OSBPL1A: variants seen among roughly 807,000 people sequenced by gnomAD.
OSBPL1A encodes oxysterol binding protein like 1A.
In OSBPL1A, 80 loss-of-function variants were observed where a neutral mutation model predicts 137.1. That is an observed-to-expected ratio of 0.58 (90% CI 0.49 to 0.70). The LOEUF is 0.70. OSBPL1A is among the 30% of genes least tolerant of loss of function. OSBPL1A has a pLI of 0.00. For synonymous variants in OSBPL1A, 365 were observed against 389.7 expected (o/e 0.94, Z 0.75); for missense variants, 970 against 1,129.4 (o/e 0.86, Z 2.02).
At chr18:24,376,745 C>T (rs886592059) in intron 2 of OSBPL1A, among the ~76,000 whole-genome samples, 1 of 152,342 alleles carries the variant, frequency 6.6e-6, no homozygotes, top group African/African-American at 2.4e-5. Context: ...AGCTAAGGCC[C>T]GGTGAGAGAT....
intron 15 of OSBPL1A, among the ~76,000 whole-genome samples, chr18:24,258,272 T>C (rs1025524861): frequency 3.3e-5 from 5 of 152,040 alleles, no homozygotes; most frequent in Admixed American, 2.6e-4. Flanking sequence ...CACAATGGAA[T>C]ACCATTCAGC....
chr18:24,271,665 G>C lies in OSBPL1A; in HGVS notation c.1281+9177C>G, dbSNP rs2089721046. 3 of 985,812 alleles carry C rather than the reference G, an allele frequency of 3.0e-6. No individual in the cohort carries two copies. Among genetic ancestry groups the C allele is most frequent in the Non-Finnish European group, 3.6e-6 (3 of 830,254 alleles). 61.1% of individuals were successfully genotyped at this position (985,812 alleles called of 1,614,324 possible). A position where few individuals can be genotyped will look rare whatever the true frequency, so the allele number is the denominator to read the frequency against. ...CCCCGGCTGGCGCGCTCCACCCTGC[G>C]CTCCTCGCAAGCTCCAGCGCGAATG... On this transcript the variant is annotated intron_variant, in intron 15 of 27. Transcript: ENST00000319481. This position sits in a 1 kb window ranked among gnomAD's most constrained non-coding sequence, Gnocchi z 4.0.
In OSBPL1A at chr18:24,323,539, C is replaced by CTT. The variant is rs763234169; in HGVS notation, c.626-4732_626-4731dup. Among the ~76,000 whole-genome samples the CTT allele has an allele frequency of 9.4e-4, 33 of 35,152 alleles. 4 individuals are homozygous for CTT. The highest frequency in any genetic ancestry group is 1.5e-3 in the African/African-American group (4 of 2,590). The allele number at this position is 35,152 out of a possible 152,430, so 23.1% of individuals were successfully genotyped here. A position where few individuals can be genotyped will look rare whatever the true frequency, so the allele number is the denominator to read the frequency against. On this transcript the variant is annotated intron_variant, in intron 7 of 27. Coordinates refer to ENST00000319481, the MANE Select transcript of OSBPL1A (RefSeq NM_080597.4). The stretch of plus-strand genomic sequence containing the variant: ...ACACCCAGCCAGGGTGAGGCTTTTT[C>CTT]TTTTTTTTTTTTTTTTTTTTTTATT...
intron 22 of OSBPL1A, 111 bp downstream of exon 22, chr18:24,172,265 C>G: frequency 1.3e-6 from 1 of 785,544 alleles, no homozygotes; most frequent in Non-Finnish European, 2.1e-6. Flanking sequence ...AAATTTTCAT[C>G]AGCCTGTTCT....
chr18:24,220,428 C>T (rs1197039969), intron 17 of OSBPL1A, among the ~76,000 whole-genome samples: 1 of 152,180 alleles, frequency 6.6e-6, no homozygotes, highest in Non-Finnish European at 1.5e-5. Context: ...TATTGCAACC[C>T]TCTACTTTCC....
chr18:24,341,871 T>C (rs774566584), intron 4 of OSBPL1A, among the ~76,000 whole-genome samples: 28 of 152,210 alleles, frequency 1.8e-4, no homozygotes, highest in Non-Finnish European at 3.8e-4. Flanking sequence ...AATTGATACA[T>C]AGCCAACTTC....
At chr18:24,180,718 A>C (rs889074451) in intron 19 of OSBPL1A, among the ~76,000 whole-genome samples, 6 of 152,196 alleles carry the variant, frequency 3.9e-5, no homozygotes. Context: ...TACTAAAAAA[A>C]TACAAAAAAT....
chr18:24,227,054 G>A (rs551432674), intron 16 of OSBPL1A, among the ~76,000 whole-genome samples: 26 of 151,992 alleles, frequency 1.7e-4, no homozygotes, highest in Non-Finnish European at 3.5e-4. Context: ...ACCATGCTCA[G>A]CTAATTTTTT....
intron 1 of OSBPL1A, among the ~76,000 whole-genome samples, chr18:24,385,689 A>G (rs190750235): frequency 8.5e-5 from 13 of 152,292 alleles, no homozygotes; most frequent in Admixed American, 7.2e-4. Context: ...CAAATAGAAG[A>G]AGGCCACTGA....
Position 24,314,315 on chromosome 18 carries a change from A to G in OSBPL1A, c.903T>C (p.Ile301=). 6.2e-7 allele frequency: 1 copy of G among 1,611,456 alleles called. No individual in the cohort carries two copies. The highest frequency in any genetic ancestry group is 8.5e-7 in the Non-Finnish European group (1 of 1,179,054). The change falls in exon 12 of 28, where the codon ATT becomes ATC. Residue 301 remains isoleucine (I), a synonymous_variant. Transcript: ENST00000319481. The part of the protein sequence containing the change: ...VKSTDSCLFF[I]KCFDDTIHGF... ...CATGAATGGTGTCATCAAAGCATTT[A>G]ATAAAGAAGAGGCAGCTATCAGTGG...
chr18:24,358,298 GCTCA>G, intron 4 of OSBPL1A: 1 of 597,856 alleles, frequency 1.7e-6, no homozygotes. Flanking sequence ...AGGCCTGGCT[GCTCA>G]TCCCCAACAG....
chr18:24,279,517 T>A (rs1211503826), intron 15 of OSBPL1A, among the ~76,000 whole-genome samples: 1 of 152,176 alleles, frequency 6.6e-6, no homozygotes, highest in African/African-American at 2.4e-5. Flanking sequence ...GAGGAAAATA[T>A]ATAAAAGCAA....
At chr18:24,245,166 G>A (rs544001303) in intron 15 of OSBPL1A, among the ~76,000 whole-genome samples, 2 of 152,004 alleles carry the variant, frequency 1.3e-5, no homozygotes, top group Admixed American at 6.6e-5. Context: ...ATCATGGCTC[G>A]CTGCAGCCTC....
chr18:24,272,123 G>A (rs2089738706), intron 15 of OSBPL1A: 4 of 983,740 alleles, frequency 4.1e-6, no homozygotes, highest in African/African-American at 3.5e-5. Flanking sequence ...GGCCCTCCGA[G>A]GAGAGGTCGG....
At chr18:24,262,624 G>C (rs9961375) in intron 15 of OSBPL1A, among the ~76,000 whole-genome samples, 7,962 of 152,206 alleles carry the variant, frequency 0.052, 282 homozygotes, top group African/African-American at 0.09. Flanking sequence ...TATGTTAAGT[G>C]TATGATTCAG....
intron 7 of OSBPL1A, among the ~76,000 whole-genome samples, chr18:24,332,385 C>CA (rs71163675): frequency 0.11 from 5,701 of 52,846 alleles, 1,331 homozygotes; most frequent in East Asian, 0.33. Flanking sequence ...GACTCTGTCT[C>CA]AAAAAAAAAA....
intron 26 of OSBPL1A, among the ~76,000 whole-genome samples, chr18:24,165,964 G>C (rs543582508): frequency 6.6e-6 from 1 of 152,266 alleles, no homozygotes; most frequent in East Asian, 1.9e-4. Flanking sequence ...GGGTGTGGTG[G>C]CACGTGCCTG....
chr18:24,172,290 AAAAC>A (rs1441426752), intron 22 of OSBPL1A, 82 bp downstream of exon 22: 22 of 1,017,186 alleles, frequency 2.2e-5, no homozygotes, highest in African/African-American at 8.1e-5. Flanking sequence ...CTTTTCTTTA[AAAAC>A]AAACAAAACA....
At chr18:24,333,155 A>C (rs1380979124) in intron 6 of OSBPL1A, 69 bp from the exon 7 acceptor site, 5 of 1,536,174 alleles carry the variant, frequency 3.3e-6, no homozygotes, top group Non-Finnish European at 4.5e-6. Context: ...AATTCACAGG[A>C]GGGTGTATCA....
Sources: gnomAD v4.1 joint callset for allele counts (sites outside exome capture counted in the v4.1 genomes callset) on GRCh38, gnomAD v4.1.1 for gene constraint, Gnocchi (gnomAD v3.1) non-coding constraint, MANE v1.5 for transcripts, NCBI Gene and HGNC (gene_info 2026-07-23, HGNC 2026-07-21) for gene names.